Variants in NPC1 observed in about 807,000 individuals in gnomAD.
NPC1 encodes the protein Niemann-Pick C1 protein.
Under a neutral mutation model 140.4 loss-of-function variants are expected in NPC1, and 85 were observed. That is an observed-to-expected ratio of 0.61 (90% confidence interval 0.51 to 0.72). The LOEUF is 0.72. NPC1 is among the 30% of genes least tolerant of loss of function. NPC1 has a pLI of 0.00. For missense variants in NPC1, 1,504 were observed against 1,623.8 expected, an observed-to-expected ratio of 0.93 and a Z score of 1.27; for synonymous variants, 656 against 624.8, an observed-to-expected ratio of 1.05 and a Z score of -0.74.
intron 13 of NPC1, 47 bp downstream of exon 13, chr18:23,544,297 C>T (rs1598954210): frequency 1.3e-6 from 2 of 1,590,388 alleles, no homozygotes; most frequent in Non-Finnish European, 1.7e-6. Flanking sequence ...TTCACAGTCC[C>T]TGAAACTTGA....
intron 1 of NPC1, among the ~76,000 whole-genome samples, chr18:23,581,260 C>G (rs554259263): frequency 3.3e-4 from 51 of 152,332 alleles, no homozygotes; most frequent in African/African-American, 1.1e-3. Flanking sequence ...AAACCCATTC[C>G]TGATCTATTA....
At position 23,586,422 on chromosome 18, in the gene NPC1, C is replaced by A. The variant is rs946827116; in HGVS notation, c.-79G>T. The A allele has an allele frequency of 1.3e-6, 2 of 1,524,734 alleles. No individual in the cohort carries two copies. The highest frequency in any genetic ancestry group is 2.8e-5 in the African/African-American group (2 of 71,858). 94.5% of individuals were successfully genotyped at this position (1,524,734 alleles called of 1,614,324 possible). A position where few individuals can be genotyped will look rare whatever the true frequency, so the allele number is the denominator to read the frequency against. On this transcript the variant is annotated 5_prime_UTR_variant, in exon 1 of 25. Transcript: ENST00000269228. ...CCGGAGGCGGCTCTACTTCCCCGGG[C>A]TGTTTCAGCACCCCGCGCAGGAGGA... is the stretch of plus-strand genomic sequence containing the variant.
At chr18:23,582,270 A>C (rs1269973105) in intron 1 of NPC1, 2 of 152,216 alleles carry the variant, frequency 1.3e-5, no homozygotes, top group Non-Finnish European at 2.9e-5. Context: ...AGCTTCTCTC[A>C]AATCCTCCAA....
chr18:23,518,850 A>C, downstream of NPC1: 2 of 1,567,524 alleles, frequency 1.3e-6, no homozygotes, highest in Non-Finnish European at 1.8e-6. Context: ...GGAATTTTGA[A>C]TGGCCAGATG....
intron 1 of NPC1, among the ~76,000 whole-genome samples, chr18:23,579,781 A>G (rs2059335717): frequency 2.6e-5 from 4 of 152,008 alleles, no homozygotes; most frequent in African/African-American, 9.7e-5. Flanking sequence ...TCCCAGCTAC[A>G]GGCTGAGACA....
intron 3 of NPC1, among the ~76,000 whole-genome samples, chr18:23,569,411 C>T (rs1340444680): frequency 2.6e-5 from 4 of 152,152 alleles, no homozygotes; most frequent in Admixed American, 2.6e-4. Flanking sequence ...TAACCTTGAG[C>T]TCCTAGGCTC....
intron 1 of NPC1, among the ~76,000 whole-genome samples, chr18:23,523,952 T>G (rs2058218996): frequency 6.6e-6 from 1 of 152,216 alleles, no homozygotes; most frequent in Admixed American, 6.5e-5. Context: ...TGTTAGCTCC[T>G]TCCCCCTTCC....
intron 3 of NPC1, chr18:23,515,863 C>G (rs1180632068): frequency 2.5e-6 from 4 of 1,614,076 alleles, no homozygotes. Flanking sequence ...CAGGTATTAC[C>G]AGAGAAACGG....
chr18:23,539,332 A>G (rs745650154), intron 19 of NPC1, 23 bp downstream of exon 19: 2 of 1,548,706 alleles, frequency 1.3e-6, no homozygotes, highest in Admixed American at 3.3e-5. Flanking sequence ...AAAACAGGAA[A>G]GATTTGGTAA....
At chr18:23,560,127 ATT>A in intron 6 of NPC1, 102 bp downstream of exon 6, 1 of 1,370,876 alleles carries the variant, frequency 7.3e-7, no homozygotes, top group South Asian at 1.2e-5. Context: ...TCATGGAGGT[ATT>A]TGTTTCTTGT....
At chr18:23,579,083 T>G (rs2059326975) in intron 1 of NPC1, among the ~76,000 whole-genome samples, 1 of 152,208 alleles carries the variant, frequency 6.6e-6, no homozygotes, top group African/African-American at 2.4e-5. Flanking sequence ...TTCTACAGTA[T>G]TCCAAACCTA....
At chr18:23,544,248 C>A in intron 13 of NPC1, 96 bp downstream of exon 13, 1 of 1,212,762 alleles carries the variant, frequency 8.2e-7, no homozygotes, top group East Asian at 2.5e-5. Flanking sequence ...ACAAAACACC[C>A]TCACAGGTCA....
chr18:23,570,609 G>A (rs1315703962), intron 3 of NPC1, among the ~76,000 whole-genome samples: 1 of 152,212 alleles, frequency 6.6e-6, no homozygotes, highest in African/African-American at 2.4e-5. Flanking sequence ...GTGCAGAGAA[G>A]CATTTTCCCT....
At chr18:23,521,751 G>A (rs1053100626), downstream of NPC1, among the ~76,000 whole-genome samples, 4 of 150,388 alleles carry the variant, frequency 2.7e-5, no homozygotes, top group African/African-American at 9.8e-5. Context: ...GAGGCTAGAA[G>A]TTCAAGATCA....
intron 3 of NPC1, among the ~76,000 whole-genome samples, chr18:23,507,574 A>T (rs886219623): frequency 6.6e-6 from 1 of 152,160 alleles, no homozygotes; most frequent in Admixed American, 6.5e-5. Flanking sequence ...GCCCGTGTAA[A>T]TGTTCACCAT....
In NPC1 at chr18:23,551,612, G is replaced by C. The variant is rs753138623; in HGVS notation, c.1654+15C>G. On this transcript the variant is annotated intron_variant, in intron 10 of 24. Transcript: ENST00000269228. ...ACTTTATCTAAAAGGAAAAGTCAAA[G>C]CTTCTCTTACTTACCATCATAGCCT... The C allele has an allele frequency of 1.9e-6, 3 of 1,577,874 alleles. No individual in the cohort carries two copies. Among genetic ancestry groups the C allele is most frequent in the Non-Finnish European group, 2.6e-6 (3 of 1,147,032 alleles).
In NPC1 at chr18:23,560,245, T is replaced by C; in HGVS notation, c.867A>G (p.Ala289=). Residue 289 remains alanine, a synonymous_variant, in exon 6 of 25, where the codon GCA becomes GCG. Coordinates refer to ENST00000269228, the MANE Select transcript of NPC1 (RefSeq NM_000271.5). ...AAACTGCTTACCTGTAGCACCACAC[T>C]GCAAAAAATGCTCCAAAAAACACAA... is the stretch of plus-strand genomic sequence containing the variant. ...FLLVFFGAFF[A]VWCYRKRYFV... is the part of the protein sequence containing the mutation. 6.2e-7 allele frequency: 1 copy of C among 1,614,116 alleles called. No individual in the cohort carries two copies. Among genetic ancestry groups the C allele is most frequent in the Non-Finnish European group, 8.5e-7 (1 of 1,180,016 alleles).
chr18:23,573,685 TTAAG>T, intron 1 of NPC1, 111 bp from the exon 2 acceptor site: 1 of 1,270,910 alleles, frequency 7.9e-7, no homozygotes, highest in Non-Finnish European at 1.1e-6. Context: ...ACCTGCAAAA[TTAAG>T]TAACAGCAAC....
chr18:23,576,557 G>A (rs990367972), intron 1 of NPC1: 1 of 988,258 alleles, frequency 1.0e-6, no homozygotes, highest in African/African-American at 1.7e-5. Context: ...GTGGGTTCTT[G>A]GTCTCACTGA....
Sources: allele counts gnomAD v4.1 joint callset (sites outside exome capture counted in the v4.1 genomes callset), GRCh38; gene constraint gnomAD v4.1.1; transcripts MANE v1.5; gene names NCBI Gene and HGNC (gene_info 2026-07-23, HGNC 2026-07-21).